The following TBXAS1 variants were observed in gnomAD, a reference collection of about 807,000 sequenced individuals.
TBXAS1 encodes the protein thromboxane-A synthase.
Under a neutral mutation model 60.7 loss-of-function variants are expected in TBXAS1, and 48 were observed. That is an observed-to-expected ratio of 0.79 (90% CI 0.63 to 1.01). The LOEUF (loss-of-function observed/expected upper bound fraction) is 1.01, where lower values mean the gene tolerates loss of function less well. TBXAS1 is among the 50% of genes least tolerant of loss of function. The pLI, the probability that TBXAS1 is intolerant of heterozygous loss-of-function variation, is 0.00. For missense variants in TBXAS1, 685 were observed against 686.3 expected (o/e 1.00, Z 0.02); for synonymous variants, 287 against 269.7 (o/e 1.06, Z -0.63).
chr7:139,986,737 ATACATACATATATATATATGTGTG>A (rs1169418810), intron 9 of TBXAS1, among the ~76,000 whole-genome samples: 9 of 38,416 alleles, frequency 2.3e-4, no homozygotes, highest in African/African-American at 1.2e-3. Context: ...ATATATATAT[ATACATACATATATATATATGTGTG>A]TGTGTGTGTG....
At chr7:139,810,645 T>C (rs896241027) in intron 4 of TBXAS1, among the ~76,000 whole-genome samples, 2 of 152,244 alleles carry the variant, frequency 1.3e-5, no homozygotes, top group African/African-American at 4.8e-5. Context: ...GAATGCCTAA[T>C]TTACCAGACA....
chr7:139,988,846 G>A lies in TBXAS1; in HGVS notation c.1135-18245G>A, dbSNP rs75690999. On this transcript the variant is annotated intron_variant, in intron 9 of 12. Coordinates refer to ENST00000448866, the MANE Select transcript of TBXAS1 (RefSeq NM_001061.7). ...GGCAAAAGGCACAGTCGAGGACAAG[G>A]AGCAGGCATCCCGTGTGGCGGGAGC... Among the ~76,000 whole-genome samples the A allele has an allele frequency of 3.9e-5, 6 of 152,296 alleles. No homozygotes were observed. In the South Asian group the frequency reaches 1.2e-3, roughly 32 times the overall value.
intron 9 of TBXAS1, among the ~76,000 whole-genome samples, chr7:140,005,034 G>T (rs1172237029): frequency 6.6e-6 from 1 of 152,248 alleles, no homozygotes; most frequent in African/African-American, 2.4e-5. Context: ...AGGGCAGAAA[G>T]GGGGAAGCCA....
At position 139,860,642 on chromosome 7, in the gene TBXAS1, A is replaced by T. The variant is rs1357208156; in HGVS notation, c.90-11593A>T. On this transcript the variant is annotated intron_variant, in intron 1 of 12. Coordinates refer to ENST00000448866, the MANE Select transcript of TBXAS1 (RefSeq NM_001061.7). ...AAGGCAGTGTGAGGACTGGAAGCAG[A>T]ACTGGAAGGTTATGACCATGACCCA... Among the ~76,000 whole-genome samples the T allele has an allele frequency of 2.6e-5, 4 of 152,194 alleles. No homozygotes were observed. The South Asian group carries it at 8.3e-4, about 32-fold the overall frequency.
chr7:139,940,316 C>T (rs556123585), intron 5 of TBXAS1, among the ~76,000 whole-genome samples: 3 of 152,270 alleles, frequency 2.0e-5, no homozygotes, highest in South Asian at 2.1e-4. Flanking sequence ...CTGGATGCTT[C>T]CTCAAACTTT....
chr7:139,802,737 T>C (rs938986531), intron 4 of TBXAS1, among the ~76,000 whole-genome samples: 2 of 152,020 alleles, frequency 1.3e-5, no homozygotes, highest in Non-Finnish European at 2.9e-5. Flanking sequence ...TGAGCTGAGA[T>C]CACTCCACTG....
chr7:139,996,825 T>A (rs1569523835), intron 9 of TBXAS1, among the ~76,000 whole-genome samples: 1 of 152,228 alleles, frequency 6.6e-6, no homozygotes, highest in Non-Finnish European at 1.5e-5. Context: ...CCAGCATCAA[T>A]AGGGAACAGC....
chr7:139,955,356 G>A, intron 6 of TBXAS1, 103 bp from the exon 7 acceptor site: 1 of 1,488,788 alleles, frequency 6.7e-7, no homozygotes, highest in Non-Finnish European at 9.3e-7. Context: ...GCAGGGCTGG[G>A]CAAGCCAGTG....
Position 139,875,656 on chromosome 7 carries a change from G to C in TBXAS1, c.236+19G>C, listed in dbSNP as rs376496895. The C allele has an allele frequency of 5.0e-6, 8 of 1,613,038 alleles. No homozygotes were observed. Among genetic ancestry groups the C allele is most frequent in the Non-Finnish European group, 6.8e-6 (8 of 1,179,914 alleles). Reference sequence around the variant, plus strand: ...TGTGTGGGTAAGAAGGAAACTCAACGTTTCTATTATGTACGATATTTTCTA... The same window carrying C: ...TGTGTGGGTAAGAAGGAAACTCAACCTTTCTATTATGTACGATATTTTCTA... On this transcript the variant is annotated intron_variant, in intron 3 of 12. Coordinates refer to ENST00000448866, the MANE Select transcript of TBXAS1 (RefSeq NM_001061.7).
At chr7:139,971,451 C>T (rs562946491) in intron 9 of TBXAS1, among the ~76,000 whole-genome samples, 5 of 152,286 alleles carry the variant, frequency 3.3e-5, no homozygotes, top group East Asian at 1.9e-4. Context: ...GGCAGGGCCT[C>T]GGATCTTAAC....
At chr7:139,965,319 T>C (rs1488847722) in intron 9 of TBXAS1, among the ~76,000 whole-genome samples, 1 of 152,314 alleles carries the variant, frequency 6.6e-6, no homozygotes, top group Non-Finnish European at 1.5e-5. Context: ...GTCAAATTTT[T>C]GAGTTTAGTG....
intron 4 of TBXAS1, among the ~76,000 whole-genome samples, chr7:139,792,642 A>C (rs1427071958): frequency 6.6e-6 from 1 of 152,226 alleles, no homozygotes; most frequent in Non-Finnish European, 1.5e-5. Context: ...CTTTATCTGC[A>C]GGGATGAGGG....
chr7:139,998,569 A>G (rs974232442), intron 9 of TBXAS1, among the ~76,000 whole-genome samples: 1 of 152,164 alleles, frequency 6.6e-6, no homozygotes, highest in Non-Finnish European at 1.5e-5. Context: ...TATAAAATAG[A>G]CAATAAAAGC....
chr7:139,889,521 C>G (rs1217800252), intron 3 of TBXAS1, among the ~76,000 whole-genome samples: 1 of 152,100 alleles, frequency 6.6e-6, no homozygotes, highest in Non-Finnish European at 1.5e-5. Context: ...TGTCCTCATC[C>G]TCATGTGTTC....
chr7:139,872,173 T>C (rs1054662368), intron 1 of TBXAS1, 62 bp from the exon 2 acceptor site: 13 of 1,485,374 alleles, frequency 8.8e-6, no homozygotes, highest in South Asian at 3.4e-5. Context: ...TAGTTCCTAA[T>C]AGAGCCTAAA....
intron 9 of TBXAS1, among the ~76,000 whole-genome samples, chr7:139,984,564 C>A (rs775165661): frequency 4.1e-5 from 6 of 148,056 alleles, no homozygotes; most frequent in Non-Finnish European, 7.4e-5. Context: ...GTCCCATTTC[C>A]CCAGGACACT....
At chr7:139,866,718 A>C (rs1173898331) in intron 1 of TBXAS1, among the ~76,000 whole-genome samples, 1 of 152,114 alleles carries the variant, frequency 6.6e-6, no homozygotes, top group East Asian at 1.9e-4. Flanking sequence ...AAATCACACC[A>C]CTGCACTCCA....
At chr7:139,787,950 AAC>A (rs1195214703) in intron 4 of TBXAS1, among the ~76,000 whole-genome samples, 32 of 152,358 alleles carry the variant, frequency 2.1e-4, no homozygotes, top group African/African-American at 7.7e-4. Context: ...AATTTTGAGA[AAC>A]AGTTACTAAA....
At chr7:139,894,075 G>A (rs185644248) in intron 3 of TBXAS1, among the ~76,000 whole-genome samples, 23 of 152,288 alleles carry the variant, frequency 1.5e-4, no homozygotes, top group African/African-American at 3.9e-4. Flanking sequence ...TCCAGAAAGC[G>A]TGGAGAATAG....
Sources: allele counts gnomAD v4.1 joint callset (sites outside exome capture counted in the v4.1 genomes callset), GRCh38; gene constraint gnomAD v4.1.1; transcripts MANE v1.5; gene names NCBI Gene and HGNC (gene_info 2026-07-23, HGNC 2026-07-21).